NEDD1: variants seen among roughly 807,000 people sequenced by gnomAD.
The protein encoded by NEDD1 is protein NEDD1.
Under a neutral mutation model 74.0 loss-of-function variants are expected in NEDD1, and 33 were observed. That is an observed-to-expected ratio of 0.45 (90% CI 0.34 to 0.60). NEDD1 has a LOEUF of 0.60. NEDD1 is among the 20% of genes least tolerant of loss of function. The pLI is 0.01. For missense variants in NEDD1, 746 were observed against 776.5 expected, an observed-to-expected ratio of 0.96 and a Z score of 0.47; for synonymous variants, 250 against 264.4, an observed-to-expected ratio of 0.95 and a Z score of 0.53.
chr12:96,940,138 A>G (rs1274917196), intron 9 of NEDD1, among the ~76,000 whole-genome samples: 3 of 152,064 alleles, frequency 2.0e-5, no homozygotes, highest in Non-Finnish European at 4.4e-5. Context: ...AAAATAAGGT[A>G]TTACTGTATG....
chr12:96,936,715 A>G lies in NEDD1; in HGVS notation c.824A>G (p.Tyr275Cys). 6.2e-7 allele frequency: 1 copy of G among 1,612,774 alleles called. No homozygotes were observed. Among genetic ancestry groups the G allele is most frequent in the South Asian group, 1.1e-5 (1 of 91,054 alleles). The change falls in exon 8 of 16, where the codon TAT (tyrosine) becomes TGT (cysteine). Residue 275 changes from tyrosine (Y) to cysteine (C), a missense_variant. Physicochemically the swap from Tyr to Cys is radical, Grantham distance 194 (BLOSUM62 -2). Around this residue, in one of 3 missense-constraint regions of NEDD1, gnomAD observed 706 missense variants for 706.7 expected, o/e 1.00. Transcript: ENST00000266742. Reference protein sequence around the residue: ...IGSSRGKIYQYDLRMLKSPVK... With the variant: ...IGSSRGKIYQCDLRMLKSPVK... ...TCTTCCCGGGGGAAAATATATCAATATGATTTAAGAATGTTGAAATCACCA... is the reference window on the plus strand; with the variant it reads ...TCTTCCCGGGGGAAAATATATCAATGTGATTTAAGAATGTTGAAATCACCA...
At position 96,932,463 on chromosome 12, in the gene NEDD1, A is replaced by AAAAAAAT; in HGVS notation, c.490-2512_490-2511insAAAAATA. 4.0e-3 allele frequency among the ~76,000 whole-genome samples: 38 copies of AAAAAAAT among 9,432 alleles called. 3 individuals are homozygous for AAAAAAAT. Among genetic ancestry groups the AAAAAAAT allele is most frequent in the African/African-American group, 0.012 (36 of 2,964 alleles). The allele number at this position is 9,432 out of a possible 152,430, so 6.2% of individuals were successfully genotyped here. ...CTCTTAAAAAAAAAAAAAAAAAAAAAATATATATATATATATATATATATA... is the reference window on the plus strand; with the variant it reads ...CTCTTAAAAAAAAAAAAAAAAAAAAAAAAAAATATATATATATATATATATATATATA... On this transcript the variant is annotated intron_variant, in intron 6 of 15. Coordinates refer to ENST00000266742, the MANE Select transcript of NEDD1 (RefSeq NM_152905.4).
intron 14 of NEDD1, among the ~76,000 whole-genome samples, chr12:96,950,858 T>G (rs1878646129): frequency 6.6e-6 from 1 of 151,926 alleles, no homozygotes; most frequent in Admixed American, 6.5e-5. Flanking sequence ...TTATTATACT[T>G]AATAATTTTT....
chr12:96,918,606 T>C (rs1278129967), intron 5 of NEDD1, among the ~76,000 whole-genome samples: 1 of 152,200 alleles, frequency 6.6e-6, no homozygotes, highest in Non-Finnish European at 1.5e-5. Flanking sequence ...CCCTCATTCA[T>C]TCTGTTAATG....
intron 3 of NEDD1, among the ~76,000 whole-genome samples, 165 bp downstream of exon 3, chr12:96,910,060 CAT>C (rs1050257090): frequency 4.6e-5 from 7 of 152,150 alleles, no homozygotes; most frequent in Non-Finnish European, 8.8e-5. Context: ...AACAATATAT[CAT>C]ATGAATGCAC....
chr12:96,951,418 T>C lies in NEDD1; in HGVS notation c.1812-14T>C. 1 of 1,485,060 alleles carries C rather than the reference T, an allele frequency of 6.7e-7. No individual in the cohort carries two copies. The highest frequency in any genetic ancestry group is 9.3e-7 in the Non-Finnish European group (1 of 1,076,382). The allele number at this position is 1,485,060 out of a possible 1,614,324, so 92.0% of individuals were successfully genotyped here. On this transcript the variant is annotated splice_polypyrimidine_tract_variant and intron_variant, in intron 14 of 15. Coordinates refer to ENST00000266742, the MANE Select transcript of NEDD1 (RefSeq NM_152905.4). ...ACTATTGTAATTCTAAAAAGTATTT[T>C]ACATTCTTCCTAGAGAAGCATGCCA... is the stretch of plus-strand genomic sequence containing the variant.
intron 14 of NEDD1, 51 bp from the exon 15 acceptor site, chr12:96,951,381 A>G (rs1325010189): frequency 1.9e-6 from 2 of 1,027,670 alleles, no homozygotes; most frequent in African/African-American, 1.6e-5. Flanking sequence ...TGAATGACCT[A>G]GAATTGGTTA....
chr12:96,934,929 T>A (rs1876929574), intron 6 of NEDD1, 47 bp from the exon 7 acceptor site: 2 of 1,147,550 alleles, frequency 1.7e-6, no homozygotes, highest in African/African-American at 3.5e-5. Context: ...TCAAATGTCC[T>A]TATGAATGCT....
chr12:96,940,485 T>C lies in NEDD1; in HGVS notation c.1194T>C (p.Phe398=). The change falls in exon 10 of 16, where the codon TTT becomes TTC. Residue 398 remains phenylalanine (F), a synonymous_variant. Transcript: ENST00000266742. Reference sequence around the variant, plus strand: ...GAAAAAATCAGGATTTCTCCAGCTTTGATGATACTGGGAAAAGTAGTTTAG... The same window carrying C: ...GAAAAAATCAGGATTTCTCCAGCTTCGATGATACTGGGAAAAGTAGTTTAG... The part of the protein sequence containing the change: ...DSGKNQDFSS[F]DDTGKSSLGD... 1 of 1,606,424 alleles carries C rather than the reference T, an allele frequency of 6.2e-7. No homozygotes were observed. Among genetic ancestry groups the C allele is most frequent in the Non-Finnish European group, 8.5e-7 (1 of 1,173,846 alleles).
rs1565803406 is a variant in NEDD1 at position 96,934,942 on chromosome 12, TA to T, written c.490-32del. On this transcript the variant is annotated intron_variant, in intron 6 of 15. Transcript: ENST00000266742. ...TATCAAATGTCCTTATGAATGCTTA[TA>T]ATTACATAAAATTTATTCTTTCATT... 3 of 386,954 alleles carry T rather than the reference TA, an allele frequency of 7.8e-6. No individual in the cohort carries two copies. The Admixed American group carries it at 1.6e-4, about 20-fold the overall frequency. 24.0% of individuals were successfully genotyped at this position (386,954 alleles called of 1,614,324 possible). A position where few individuals can be genotyped will look rare whatever the true frequency, so the allele number is the denominator to read the frequency against.
chr12:96,911,886 T>C (rs1187964814), intron 3 of NEDD1, among the ~76,000 whole-genome samples: 1 of 152,206 alleles, frequency 6.6e-6, no homozygotes, highest in Non-Finnish European at 1.5e-5. Flanking sequence ...TTAGGGATTC[T>C]GAGTGTCTAA....
chr12:96,937,279 G>C lies in NEDD1; in HGVS notation c.1003G>C (p.Val335Leu), dbSNP rs761891852. Residue 335 changes from valine (V) to leucine (L), a missense_variant, in exon 9 of 16, where the codon GTT becomes CTT. Coordinates refer to ENST00000266742, the MANE Select transcript of NEDD1 (RefSeq NM_152905.4). ...SVNVNAASGG[V>L]QNSGIVREAP... ...TAATGTGAATGCTGCTAGTGGAGGA[G>C]TTCAGAATTCCGGAATTGTCAGAGA... 47 of 1,612,716 alleles carry C rather than the reference G, an allele frequency of 2.9e-5. No homozygotes were observed. The highest frequency in any genetic ancestry group is 3.1e-5 in the Non-Finnish European group (37 of 1,179,056).
chr12:96,944,495 TTTC>T, intron 12 of NEDD1, 141 bp from the exon 13 acceptor site: 1 of 458,802 alleles, frequency 2.2e-6, no homozygotes, highest in Non-Finnish European at 3.8e-6. Context: ...TCTTTTTCTT[TTTC>T]TTCTTCTATA....
Position 96,909,915 on chromosome 12 carries a change from AACAC to A in NEDD1, c.136+36_136+39del, listed in dbSNP as rs75007264. On this transcript the variant is annotated intron_variant, in intron 3 of 15. Transcript: ENST00000266742. ...GCAATAGTATCCTTTAAAAAAAAAA[AACAC>A]ACACACACACACACAAACCGCTTAT... The A allele has an allele frequency of 3.0e-4, 402 of 1,343,560 alleles. No individual in the cohort carries two copies. In the Middle Eastern group the frequency reaches 6.1e-3, roughly 20 times the overall value. 83.2% of individuals were successfully genotyped at this position (1,343,560 alleles called of 1,614,324 possible). A position where few individuals can be genotyped will look rare whatever the true frequency, so the allele number is the denominator to read the frequency against.
intron 6 of NEDD1, among the ~76,000 whole-genome samples, chr12:96,920,898 G>A (rs1012383199): frequency 2.4e-4 from 37 of 151,908 alleles, no homozygotes; most frequent in Non-Finnish European, 3.5e-4. Context: ...AAATTTAGTG[G>A]ATATGAAAAG....
Position 96,937,370 on chromosome 12 carries a change from C to G in NEDD1, c.1094C>G (p.Thr365Arg), listed in dbSNP as rs765658337. 6.3e-7 allele frequency: 1 copy of G among 1,596,418 alleles called. No individual in the cohort carries two copies. Among genetic ancestry groups the G allele is most frequent in the Admixed American group, 1.7e-5 (1 of 57,300 alleles). ...QPMTSAMGKGTVAVQEKAGLP... is the reference protein window; with the variant it reads ...QPMTSAMGKGRVAVQEKAGLP... ...ATGACATCAGCTATGGGGAAAGGAA[C>G]AGTTGCTGTTCAAGAAAAAGCAGGT... The change falls in exon 9 of 16, where the codon ACA (threonine) becomes AGA (arginine). Residue 365 changes from threonine (T) to arginine (R), a missense_variant. Transcript: ENST00000266742.
intron 6 of NEDD1, among the ~76,000 whole-genome samples, chr12:96,922,158 C>T (rs1875171428): frequency 6.6e-6 from 1 of 152,018 alleles, no homozygotes; most frequent in Admixed American, 6.5e-5. Context: ...TAAAAATAGC[C>T]TTTAGAGGTA....
chr12:96,909,964 CAATG>C, intron 3 of NEDD1, 69 bp downstream of exon 3: 1 of 1,530,906 alleles, frequency 6.5e-7, no homozygotes, highest in East Asian at 2.3e-5. Context: ...CAACCACTGT[CAATG>C]AAACTTTTGC....
chr12:96,917,323 G>A (rs546629331), intron 4 of NEDD1, among the ~76,000 whole-genome samples: 1 of 152,266 alleles, frequency 6.6e-6, no homozygotes, highest in Non-Finnish European at 1.5e-5. Context: ...GGGCAAACAA[G>A]CCCTGATGGG....
Sources: gnomAD v4.1 joint callset for allele counts (sites outside exome capture counted in the v4.1 genomes callset) on GRCh38, gnomAD v4.1.1 for gene constraint, gnomAD v4.1.1 regional missense constraint, MANE v1.5 for transcripts, NCBI Gene and HGNC (gene_info 2026-07-23, HGNC 2026-07-21) for gene names.